Variants in BBS9 observed in about 807,000 individuals in gnomAD.
BBS9 encodes Bardet-Biedl syndrome 9.
A neutral mutation model predicts 117.7 loss-of-function variants in BBS9; 89 were observed. The observed-to-expected ratio is 0.76, with a 90% CI of 0.64 to 0.90. BBS9 has a LOEUF of 0.90. BBS9 is among the 40% of genes least tolerant of loss of function. The pLI, the probability that BBS9 is intolerant of heterozygous loss-of-function variation, is 0.00. For synonymous variants in BBS9, 379 were observed against 370.9 expected (o/e 1.02, Z -0.25); for missense variants, 982 against 1,042.2 (o/e 0.94, Z 0.80).
At chr7:33,394,596 T>G (rs1827635601) in intron 19 of BBS9, among the ~76,000 whole-genome samples, 1 of 152,200 alleles carries the variant, frequency 6.6e-6, no homozygotes, top group South Asian at 2.1e-4. Context: ...ATCATTCTTT[T>G]TGAAAGAATT....
chr7:33,613,967 A>C (rs920722666), intron 21 of BBS9, among the ~76,000 whole-genome samples: 23 of 152,118 alleles, frequency 1.5e-4, no homozygotes, highest in Admixed American at 3.3e-4. Context: ...ATGGCAGGCT[A>C]TATGCCATGA....
intron 19 of BBS9, among the ~76,000 whole-genome samples, chr7:33,436,337 A>T (rs1404864964): frequency 6.6e-6 from 1 of 152,190 alleles, no homozygotes; most frequent in Non-Finnish European, 1.5e-5. Flanking sequence ...TTGATGAAAG[A>T]TGCTCATCGG....
chr7:33,207,899 C>G (rs992533394), intron 5 of BBS9, among the ~76,000 whole-genome samples: 6 of 152,074 alleles, frequency 3.9e-5, no homozygotes, highest in African/African-American at 1.4e-4. Flanking sequence ...CCTCTACCTC[C>G]TGGGTTCAAG....
chr7:33,239,615 A>T (rs1794133230), intron 5 of BBS9, among the ~76,000 whole-genome samples: 1 of 152,156 alleles, frequency 6.6e-6, no homozygotes, highest in Non-Finnish European at 1.5e-5. Context: ...TTATGATATC[A>T]AATATTTTAA....
intron 19 of BBS9, among the ~76,000 whole-genome samples, chr7:33,487,546 AT>A (rs1584996986): frequency 1.3e-5 from 2 of 152,342 alleles, no homozygotes; most frequent in East Asian, 3.9e-4. Context: ...AAGTAAAATG[AT>A]TTGCCTGAGG....
intron 18 of BBS9, among the ~76,000 whole-genome samples, chr7:33,386,357 G>A (rs562794013): frequency 5.9e-5 from 9 of 151,914 alleles, no homozygotes; most frequent in Non-Finnish European, 1.0e-4. Flanking sequence ...GTTTATTTCA[G>A]CTAGTTTATT....
intron 12 of BBS9, chr7:33,346,227 C>T (rs565124665): frequency 4.3e-6 from 2 of 468,802 alleles, no homozygotes; most frequent in African/African-American, 4.0e-5. Flanking sequence ...ATAACAACAG[C>T]AGCCAAGATA....
intron 5 of BBS9, among the ~76,000 whole-genome samples, chr7:33,237,649 C>G (rs1793753142): frequency 1.3e-5 from 2 of 152,156 alleles, no homozygotes; most frequent in South Asian, 4.1e-4. Context: ...TTCCTCACTT[C>G]AGGATTACCA....
intron 21 of BBS9, among the ~76,000 whole-genome samples, chr7:33,557,455 A>G (rs553161509): frequency 1.8e-4 from 28 of 152,316 alleles, no homozygotes; most frequent in Admixed American, 5.2e-4. Context: ...AAAATGCTCA[A>G]AGGTACCATA....
intron 21 of BBS9, among the ~76,000 whole-genome samples, chr7:33,590,459 G>GTTTTTTTGTTTTTGTTTT (rs1554551689): frequency 9.9e-6 from 1 of 101,510 alleles, no homozygotes; most frequent in East Asian, 2.9e-4. Context: ...TTGTTTTTTT[G>GTTTTTTTGTTTTTGTTTT]TTTTTTTTTT....
chr7:33,590,459 G>GTTTTTTTGTTTTTGTTTTTTTT (rs1554551689), intron 21 of BBS9, among the ~76,000 whole-genome samples: 46 of 101,490 alleles, frequency 4.5e-4, no homozygotes, highest in South Asian at 6.6e-4. Flanking sequence ...TTGTTTTTTT[G>GTTTTTTTGTTTTTGTTTTTTTT]TTTTTTTTTT....
At chr7:33,278,678 A>T (rs950039022) in intron 9 of BBS9, among the ~76,000 whole-genome samples, 2 of 152,152 alleles carry the variant, frequency 1.3e-5, no homozygotes, top group African/African-American at 4.8e-5. Context: ...CACTGTAATT[A>T]GATCTCTGCC....
intron 19 of BBS9, among the ~76,000 whole-genome samples, chr7:33,435,363 T>G (rs1286005699): frequency 1.3e-5 from 2 of 152,236 alleles, no homozygotes; most frequent in Non-Finnish European, 2.9e-5. Context: ...TCTTTGATAC[T>G]TTGTGAGTAC....
chr7:33,185,108 G>C (rs1798634394), intron 5 of BBS9, among the ~76,000 whole-genome samples: 1 of 152,216 alleles, frequency 6.6e-6, no homozygotes, highest in Admixed American at 6.5e-5. Flanking sequence ...GTGATAATGA[G>C]TAGTGAGGAC....
intron 4 of BBS9, among the ~76,000 whole-genome samples, chr7:33,160,182 C>T (rs1241292482): frequency 6.6e-6 from 1 of 152,182 alleles, no homozygotes; most frequent in Admixed American, 6.5e-5. Context: ...TAAAGCCTAT[C>T]ATGAGGGATA....
intron 19 of BBS9, among the ~76,000 whole-genome samples, chr7:33,504,091 G>T (rs1020064162): frequency 3.9e-5 from 6 of 152,138 alleles, no homozygotes; most frequent in African/African-American, 1.4e-4. Flanking sequence ...AGATCCTGTG[G>T]ACTGTAAGAT....
chr7:33,370,355 A>AGC (rs1822623835), intron 17 of BBS9, among the ~76,000 whole-genome samples: 1 of 152,022 alleles, frequency 6.6e-6, no homozygotes, highest in African/African-American at 2.4e-5. Context: ...ATGTAGTCCC[A>AGC]GCTATTCTGG....
chr7:33,490,586 C>G (rs914811394), intron 19 of BBS9, among the ~76,000 whole-genome samples: 13 of 152,148 alleles, frequency 8.5e-5, no homozygotes, highest in African/African-American at 3.1e-4. Context: ...TGTTTATTAA[C>G]CCCAGTTTCA....
At chr7:33,309,547 C>A (rs1178365524) in intron 9 of BBS9, among the ~76,000 whole-genome samples, 4 of 152,030 alleles carry the variant, frequency 2.6e-5, no homozygotes, top group African/African-American at 9.7e-5. Context: ...TTCTTTGGAA[C>A]AGAGGTGATG....
Sources: gnomAD v4.1 joint callset for allele counts (sites outside exome capture counted in the v4.1 genomes callset) on GRCh38, gnomAD v4.1.1 for gene constraint, MANE v1.5 for transcripts, NCBI Gene and HGNC (gene_info 2026-07-23, HGNC 2026-07-21) for gene names.